FBXW11: variants seen among roughly 807,000 people sequenced by gnomAD.
FBXW11 encodes the protein F-box and WD repeat domain containing 11, also known as F-box/WD repeat-containing protein 11.
A neutral mutation model predicts 77.6 loss-of-function variants in FBXW11; 19 were observed. That is an observed-to-expected ratio of 0.24 (90% CI 0.17 to 0.36). FBXW11 has a LOEUF of 0.36. Among genes scored for constraint, FBXW11 ranks in the 10% least tolerant of loss-of-function variants. FBXW11 has a pLI of 1.00. For synonymous variants in FBXW11, 235 were observed against 249.4 expected, an observed-to-expected ratio of 0.94 and a Z score of 0.54; for missense variants, 334 against 704.2, an observed-to-expected ratio of 0.47 and a Z score of 5.95.
In FBXW11 at chr5:171,899,132, C is replaced by A. The variant is rs547200005; in HGVS notation, c.624-38G>T. On this transcript the variant is annotated intron_variant, in intron 5 of 13. Transcript: ENST00000517395. Reference sequence around the variant, plus strand: ...AACAAACAGATGTTACATTTTTGCACATAAAAGGGTGAATTTTATCTAAAC... The same window carrying A: ...AACAAACAGATGTTACATTTTTGCAAATAAAAGGGTGAATTTTATCTAAAC... The A allele has an allele frequency of 4.3e-6, 6 of 1,380,914 alleles. No individual in the cohort carries two copies. In the Admixed American group the frequency reaches 8.5e-5, roughly 20 times the overall value. The allele number at this position is 1,380,914 out of a possible 1,614,324, so 85.5% of individuals were successfully genotyped here.
At chr5:171,920,837 A>G (rs766035333) in intron 2 of FBXW11, among the ~76,000 whole-genome samples, 13 of 152,208 alleles carry the variant, frequency 8.5e-5, no homozygotes, top group Admixed American at 3.9e-4. Flanking sequence ...GGCGACCCCA[A>G]TGCAAAAAGT....
chr5:171,864,406 G>A (rs1329458686), intron 13 of FBXW11, among the ~76,000 whole-genome samples: 1 of 152,162 alleles, frequency 6.6e-6, no homozygotes, highest in Non-Finnish European at 1.5e-5. Flanking sequence ...TTCAAGGAGA[G>A]GGCTGACCCT....
intron 7 of FBXW11, among the ~76,000 whole-genome samples, chr5:171,889,452 C>T (rs1759153638): frequency 6.7e-6 from 1 of 148,322 alleles, no homozygotes; most frequent in South Asian, 2.1e-4. Flanking sequence ...TGCTTGAACC[C>T]AGGAGGTGGA....
intron 2 of FBXW11, chr5:171,916,403 G>A (rs1761257285): frequency 2.3e-5 from 23 of 980,278 alleles, no homozygotes; most frequent in Non-Finnish European, 2.8e-5. Context: ...CAGCATCAAG[G>A]TCCACAATGA....
At chr5:171,981,030 C>G (rs1765114490) in intron 1 of FBXW11, among the ~76,000 whole-genome samples, 1 of 152,000 alleles carries the variant, frequency 6.6e-6, no homozygotes, top group Non-Finnish European at 1.5e-5. Context: ...ACCACCATCT[C>G]CGGGAAAAGG....
rs553955861 is a variant in FBXW11, at chr5:171,956,259, C to G, written c.147+1338G>C. Among the ~76,000 whole-genome samples the G allele has an allele frequency of 7.6e-4, 115 of 152,292 alleles. 2 individuals are homozygous for G. The South Asian group carries it at 0.012, about 16-fold the overall frequency. On this transcript the variant is annotated intron_variant, in intron 2 of 13. Coordinates refer to ENST00000517395, the MANE Select transcript of FBXW11 (RefSeq NM_001378974.1). ...TCAAGGAGAGCACATGCAATAATGG[C>G]TGCCATTCCAAGAACATTTTTGTTA...
intron 1 of FBXW11, among the ~76,000 whole-genome samples, chr5:171,999,709 G>A (rs192972117): frequency 7.9e-5 from 12 of 152,198 alleles, no homozygotes; most frequent in Non-Finnish European, 5.9e-5. Flanking sequence ...CACAATAGTA[G>A]AACCTCAGTC....
chr5:171,927,483 C>T (rs1302734833), intron 2 of FBXW11, among the ~76,000 whole-genome samples: 1 of 152,028 alleles, frequency 6.6e-6, no homozygotes, highest in East Asian at 1.9e-4. Context: ...TCCACAGGCA[C>T]ATCACAAAAG....
At chr5:171,907,420 CA>C (rs1413468453) in intron 4 of FBXW11, among the ~76,000 whole-genome samples, 5 of 152,120 alleles carry the variant, frequency 3.3e-5, no homozygotes, top group Admixed American at 3.3e-4. Flanking sequence ...TTGCTCCACA[CA>C]TTATTAAATC....
At chr5:171,906,680 CCACA>C (rs1760549076) in intron 4 of FBXW11, among the ~76,000 whole-genome samples, 2 of 152,086 alleles carry the variant, frequency 1.3e-5, no homozygotes, top group South Asian at 4.1e-4. Flanking sequence ...ACTATTATTC[CCACA>C]CAGAGGAGGA....
rs951892085 is a variant in FBXW11 at position 172,006,596 on chromosome 5, CTA to C, written c.-96_-95del. 1.7e-5 allele frequency: 23 copies of C among 1,382,392 alleles called. No individual in the cohort carries two copies. Among genetic ancestry groups the C allele is most frequent in the Non-Finnish European group, 2.0e-5 (21 of 1,067,202 alleles). 85.6% of individuals were successfully genotyped at this position (1,382,392 alleles called of 1,614,324 possible). A position where few individuals can be genotyped will look rare whatever the true frequency, so the allele number is the denominator to read the frequency against. The stretch of plus-strand genomic sequence containing the variant: ...GCGGAGGCGGCAGAGGCGGAGGCGG[CTA>C]TCGCACCCACTCTAGCTGCCAGCCC... On this transcript the variant is annotated 5_prime_UTR_variant, in exon 1 of 14. Transcript: ENST00000517395.
At chr5:171,922,653 C>T (rs1412338403) in intron 2 of FBXW11, among the ~76,000 whole-genome samples, 1 of 152,176 alleles carries the variant, frequency 6.6e-6, no homozygotes, top group African/African-American at 2.4e-5. Context: ...TATTTTCTTT[C>T]TGCCATCTCA....
intron 1 of FBXW11, among the ~76,000 whole-genome samples, chr5:171,961,575 A>C (rs1763911253): frequency 1.3e-5 from 2 of 152,194 alleles, no homozygotes; most frequent in Admixed American, 1.3e-4. Flanking sequence ...TTTGAAAATA[A>C]TGGATAAAAA....
At chr5:171,870,341 T>A (rs900102980) in intron 11 of FBXW11, among the ~76,000 whole-genome samples, 7 of 151,970 alleles carry the variant, frequency 4.6e-5, no homozygotes, top group African/African-American at 1.7e-4. Flanking sequence ...TTGTTCAATT[T>A]ACCAAAAAGG....
intron 1 of FBXW11, among the ~76,000 whole-genome samples, chr5:171,988,897 C>T (rs192270691): frequency 6.7e-5 from 10 of 148,594 alleles, no homozygotes; most frequent in African/African-American, 2.5e-4. Flanking sequence ...ACAATTTTGG[C>T]CCAGCATGGT....
At chr5:171,947,162 A>C (rs955333569) in intron 2 of FBXW11, among the ~76,000 whole-genome samples, 2 of 152,112 alleles carry the variant, frequency 1.3e-5, no homozygotes, top group Non-Finnish European at 2.9e-5. Flanking sequence ...TGAGACAACA[A>C]GGCTTTTTGT....
intron 6 of FBXW11, 30 bp downstream of exon 6, chr5:171,898,974 G>T: frequency 1.5e-6 from 2 of 1,363,746 alleles, no homozygotes; most frequent in Non-Finnish European, 2.0e-6. Context: ...GAAACAAAGA[G>T]CCCATAAAAC....
intron 5 of FBXW11, 113 bp downstream of exon 5, chr5:171,899,801 C>A: frequency 1.1e-6 from 1 of 941,234 alleles, no homozygotes; most frequent in Non-Finnish European, 1.6e-6. Flanking sequence ...TCATTTTCCC[C>A]CCTTTTTAAA....
intron 1 of FBXW11, among the ~76,000 whole-genome samples, chr5:171,980,976 G>C (rs1350182353): frequency 1.3e-5 from 2 of 152,088 alleles, no homozygotes; most frequent in East Asian, 3.8e-4. Flanking sequence ...GGAAGATGGG[G>C]GCTGGCTGCT....
Sources: allele counts gnomAD v4.1 joint callset (sites outside exome capture counted in the v4.1 genomes callset), GRCh38; gene constraint gnomAD v4.1.1; transcripts MANE v1.5; gene names NCBI Gene and HGNC (gene_info 2026-07-23, HGNC 2026-07-21).